Variants in CASP10 observed in about 807,000 individuals in gnomAD.
The protein encoded by CASP10 is caspase-10.
In CASP10, 41 loss-of-function variants were observed where a neutral mutation model predicts 48.5. The ratio of observed to expected loss-of-function variants is 0.85; its 90% CI spans 0.66 to 1.10. CASP10 has a LOEUF of 1.10. CASP10 is among the 50% of genes least tolerant of loss of function. The pLI, the probability that CASP10 is intolerant of heterozygous loss-of-function variation, is 0.00. For missense variants in CASP10, 614 were observed against 614.5 expected (o/e 1.00, Z 0.01); for synonymous variants, 232 against 238.4 (o/e 0.97, Z 0.25).
At chr2:201,212,306 C>G (rs1486464129) in intron 9 of CASP10, 1 of 152,048 alleles carries the variant, frequency 6.6e-6, no homozygotes, top group Admixed American at 6.6e-5. Context: ...GGGGTGGAAG[C>G]GGGTAAGTAG....
rs1486559696 is a variant in CASP10, at chr2:201,193,103, A to C, written c.561A>C (p.Lys187Asn). Residue 187 changes from lysine to asparagine, a missense_variant, in exon 4 of 10, where the codon AAA (lysine) becomes AAC (asparagine). By Grantham distance (94) the Lys-to-Asn change is moderately conservative. Transcript: ENST00000286186. ...CTAAACTTTTGAGAAACATAGAGAA[A>C]TACAAAAGAGAGAAAGGTAAGTAGC... ...VVPKLLRNIE[K>N]YKREKAIQIV... 1 of 1,613,842 alleles carries C rather than the reference A, an allele frequency of 6.2e-7. No individual in the cohort carries two copies. Among genetic ancestry groups the C allele is most frequent in the Admixed American group, 1.7e-5 (1 of 60,008 alleles).
chr2:201,217,702 A>AG lies in CASP10; in HGVS notation c.1530_1531insG (p.Leu511AlafsTer69). On this transcript the variant is annotated frameshift_variant, in exon 10 of 10. Transcript: ENST00000286186. LOFTEE classifies it low-confidence loss of function (END_TRUNC). ...AGCCTGCTTTCACACTAAGGAAAAA[A>AG]CTAGTATTCCCTGTGCCCCTGGATG... is the stretch of plus-strand genomic sequence containing the variant. 1 of 1,614,046 alleles carries AG rather than the reference A, an allele frequency of 6.2e-7. No homozygotes were observed. Among genetic ancestry groups the AG allele is most frequent in the Non-Finnish European group, 8.5e-7 (1 of 1,179,954 alleles).
rs768413628 is a variant in CASP10 at position 201,209,533 on chromosome 2, G to C, written c.1386G>C (p.Leu462=). The change falls in exon 9 of 10, where the codon CTG becomes CTC. Residue 462 remains leucine (L), a synonymous_variant. Transcript: ENST00000286186. ...AAGGCAGCTGGTATATTCAGTCTCT[G>C]TGTAATCATCTGAAGAAATTGGTCC... ...VEEGSWYIQS[L]CNHLKKLVPR... The C allele has an allele frequency of 1.2e-6, 2 of 1,611,258 alleles. No homozygotes were observed. Among genetic ancestry groups the C allele is most frequent in the Admixed American group, 1.7e-5 (1 of 59,276 alleles).
chr2:201,195,342 G>A (rs1055799057), intron 4 of CASP10, among the ~76,000 whole-genome samples: 1 of 152,108 alleles, frequency 6.6e-6, no homozygotes, highest in South Asian at 2.1e-4. Context: ...TCTGTGTGGG[G>A]ATTACAGGCG....
intron 5 of CASP10, chr2:201,200,762 C>T: frequency 8.4e-7 from 1 of 1,191,114 alleles, no homozygotes; most frequent in Non-Finnish European, 1.0e-6. Flanking sequence ...CATTTGAATT[C>T]CCCATCTCCC....
At chr2:201,187,437 T>C (rs1944452486) in intron 2 of CASP10, among the ~76,000 whole-genome samples, 1 of 152,146 alleles carries the variant, frequency 6.6e-6, no homozygotes, top group Non-Finnish European at 1.5e-5. Flanking sequence ...CCTTTTTTTT[T>C]TTAAATATGC....
intron 3 of CASP10, among the ~76,000 whole-genome samples, chr2:201,188,337 G>A (rs775752130): frequency 9.9e-5 from 15 of 152,058 alleles, no homozygotes; most frequent in South Asian, 2.1e-4. Context: ...GCACCACCAT[G>A]CCCAGCTAAT....
chr2:201,211,636 T>A (rs1576132533), intron 9 of CASP10, among the ~76,000 whole-genome samples: 1 of 152,226 alleles, frequency 6.6e-6, no homozygotes, highest in Non-Finnish European at 1.5e-5. Flanking sequence ...GACCCTTAGG[T>A]TGATTCCATA....
At chr2:201,204,420 C>A (rs530927765) in intron 6 of CASP10, among the ~76,000 whole-genome samples, 2 of 152,184 alleles carry the variant, frequency 1.3e-5, no homozygotes, top group South Asian at 4.2e-4. Context: ...TGTCTTTTTG[C>A]CTAACACGGA....
At chr2:201,225,439 G>A (rs559905903), downstream of CASP10, among the ~76,000 whole-genome samples, 4 of 152,258 alleles carry the variant, frequency 2.6e-5, no homozygotes, top group Admixed American at 2.6e-4. Context: ...AACCTCCAAT[G>A]GGCTTTCAGG....
Position 201,195,953 on chromosome 2 carries a change from G to A in CASP10, c.684+5G>A. 6.3e-7 allele frequency: 1 copy of A among 1,587,584 alleles called. No individual in the cohort carries two copies. The highest frequency in any genetic ancestry group is 8.6e-7 in the Non-Finnish European group (1 of 1,156,180). ...ACATTCTTGGAAGCCTTACCGGTAG[G>A]TTCAGTGGTGTGCTGGTCAATGCTT... is the stretch of plus-strand genomic sequence containing the variant. On this transcript the variant is annotated splice_donor_5th_base_variant and intron_variant, in intron 5 of 9. Transcript: ENST00000286186.
intron 7 of CASP10, 60 bp downstream of exon 7, chr2:201,206,033 A>G: frequency 3.7e-6 from 4 of 1,075,068 alleles, no homozygotes; most frequent in Non-Finnish European, 5.6e-6. Flanking sequence ...AAATTTAATC[A>G]AAAGGACGGT....
chr2:201,198,176 C>G (rs569047070), intron 5 of CASP10, among the ~76,000 whole-genome samples: 7 of 150,844 alleles, frequency 4.6e-5, no homozygotes, highest in Middle Eastern at 3.5e-3. Flanking sequence ...TGTCCAAGTC[C>G]TTTGTTCATT....
intron 1 of CASP10, 137 bp from the exon 2 acceptor site, chr2:201,185,634 A>C: frequency 4.4e-6 from 3 of 688,124 alleles, no homozygotes; most frequent in Non-Finnish European, 7.9e-6. Flanking sequence ...CCTCGCCGTA[A>C]TTTTTATTTT....
At chr2:201,198,521 G>A (rs960210671) in intron 5 of CASP10, among the ~76,000 whole-genome samples, 4 of 147,998 alleles carry the variant, frequency 2.7e-5, no homozygotes, top group Non-Finnish European at 3.0e-5. Context: ...CACCGTACCC[G>A]GCCTTTATTT....
Position 201,220,317 on chromosome 2 carries a change from A to T in CASP10, c.*2576A>T. ...AAAATACAGATAAGACAGCTCTGGC[A>T]TAGAGGGAGGTGGGGGGGTGGGGGA... is the stretch of plus-strand genomic sequence containing the variant. On this transcript the variant is annotated 3_prime_UTR_variant, in exon 10 of 10. Coordinates refer to ENST00000286186, the MANE Select transcript of CASP10 (RefSeq NM_032977.4). 7.0e-5 allele frequency: 11 copies of T among 156,532 alleles called. No individual in the cohort carries two copies. Among genetic ancestry groups the T allele is most frequent in the Non-Finnish European group, 1.1e-4 (9 of 83,954 alleles). 9.7% of individuals were successfully genotyped at this position (156,532 alleles called of 1,614,324 possible).
intron 9 of CASP10, among the ~76,000 whole-genome samples, chr2:201,210,241 C>A (rs1442912946): frequency 6.6e-6 from 1 of 152,198 alleles, no homozygotes; most frequent in Non-Finnish European, 1.5e-5. Context: ...CCTCTTGGCA[C>A]CTTTAGCCAT....
chr2:201,192,790 TG>T (rs1239686476), intron 3 of CASP10, among the ~76,000 whole-genome samples, 193 bp from the exon 4 acceptor site: 2 of 152,230 alleles, frequency 1.3e-5, no homozygotes, highest in Non-Finnish European at 2.9e-5. Flanking sequence ...ATTTGGTATC[TG>T]GTATTAATAT....
In CASP10 at chr2:201,194,071, A is replaced by T. The variant is rs1944705433; in HGVS notation, c.577+952A>T. On this transcript the variant is annotated intron_variant, in intron 4 of 9. Transcript: ENST00000286186. ...CACATTCTCAGAAACTACTATCAAA[A>T]AAGAACTTTATTTTCTTGTGTGTGT... is the stretch of plus-strand genomic sequence containing the variant. 2.0e-5 allele frequency among the ~76,000 whole-genome samples: 3 copies of T among 149,300 alleles called. No individual in the cohort carries two copies. In the Admixed American group the frequency reaches 2.0e-4, roughly 10 times the overall value.
Sources: allele counts gnomAD v4.1 joint callset (sites outside exome capture counted in the v4.1 genomes callset), GRCh38; gene constraint gnomAD v4.1.1; transcripts MANE v1.5; gene names NCBI Gene and HGNC (gene_info 2026-07-23, HGNC 2026-07-21).